Variants in RELN observed in about 807,000 individuals in gnomAD.
RELN encodes reelin.
RELN carries 108 observed loss-of-function variants against 427.6 expected under a neutral mutation model. That is an observed-to-expected ratio of 0.25 (90% CI 0.22 to 0.30). RELN has a LOEUF of 0.30. Ranked by LOEUF, RELN falls within the 10% of genes least tolerant of loss-of-function variation. The pLI is 1.00. For synonymous variants in RELN, 1,524 were observed against 1,513.4 expected, an observed-to-expected ratio of 1.01 and a Z score of -0.16; for missense variants, 3,715 against 4,302.8, an observed-to-expected ratio of 0.86 and a Z score of 3.82.
At chr7:103,758,329 A>G (rs1791214769) in intron 4 of RELN, among the ~76,000 whole-genome samples, 1 of 152,156 alleles carries the variant, frequency 6.6e-6, no homozygotes, top group South Asian at 2.1e-4. Flanking sequence ...CTTAATTAAG[A>G]CCACAGATAA....
At chr7:103,623,314 T>C (rs1832260079) in intron 20 of RELN, among the ~76,000 whole-genome samples, 3 of 152,312 alleles carry the variant, frequency 2.0e-5, no homozygotes, top group Admixed American at 6.5e-5. Flanking sequence ...TTTTTAAGAG[T>C]CTTTGTAAGA....
chr7:103,755,631 AT>A (rs1791124463), intron 4 of RELN, among the ~76,000 whole-genome samples: 1 of 141,468 alleles, frequency 7.1e-6, no homozygotes, highest in South Asian at 2.2e-4. Flanking sequence ...AAAAAATAAA[AT>A]AAATAAAATA....
At chr7:103,906,930 T>C (rs1355907067) in intron 2 of RELN, among the ~76,000 whole-genome samples, 1 of 152,170 alleles carries the variant, frequency 6.6e-6, no homozygotes, top group Non-Finnish European at 1.5e-5. Flanking sequence ...GGTGGTCTTA[T>C]TTCTTTGTGT....
intron 2 of RELN, among the ~76,000 whole-genome samples, chr7:103,908,711 A>G (rs909681987): frequency 2.6e-5 from 4 of 152,216 alleles, no homozygotes; most frequent in African/African-American, 9.6e-5. Context: ...ATATCCCTGA[A>G]TTATTTATCA....
At chr7:103,938,564 TA>T (rs1194895545) in intron 1 of RELN, among the ~76,000 whole-genome samples, 2 of 152,356 alleles carry the variant, frequency 1.3e-5, no homozygotes, top group East Asian at 3.9e-4. Flanking sequence ...AAATGGGAAA[TA>T]TTATAAATAG....
At position 103,989,235 on chromosome 7, in the gene RELN, G is replaced by A; in HGVS notation, c.122C>T (p.Thr41Ile). 2 of 1,614,052 alleles carry A rather than the reference G, an allele frequency of 1.2e-6. No homozygotes were observed. The highest frequency in any genetic ancestry group is 1.7e-6 in the Non-Finnish European group (2 of 1,179,988). The change falls in exon 1 of 65, where the codon ACC (threonine) becomes ATC (isoleucine). Residue 41 changes from threonine (T) to isoleucine (I), a missense_variant. Physicochemically the swap from Thr to Ile is moderately conservative, Grantham distance 89. Coordinates refer to ENST00000428762, the MANE Select transcript of RELN (RefSeq NM_005045.4). This position sits in a 1 kb window ranked among gnomAD's most constrained non-coding sequence, Gnocchi z 4.9. ...ATCCCCTTCCAGCTCCCCGTGGTGG[G>A]TGCACAGGAAAAAGAAGGGCGAAAA... ...PRFSPFFFLC[T>I]HHGELEGDGE...
intron 2 of RELN, among the ~76,000 whole-genome samples, chr7:103,863,054 C>T (rs1794108255): frequency 6.6e-6 from 1 of 151,978 alleles, no homozygotes; most frequent in African/African-American, 2.4e-5. Flanking sequence ...GGAAGAAAAG[C>T]TTTAAGAACT....
chr7:103,542,327 A>G (rs1435545136), intron 43 of RELN, among the ~76,000 whole-genome samples: 2 of 152,232 alleles, frequency 1.3e-5, no homozygotes, highest in Non-Finnish European at 2.9e-5. Context: ...ATTTCAACTA[A>G]GCTTTCTACT....
intron 28 of RELN, among the ~76,000 whole-genome samples, chr7:103,578,974 T>C (rs1281985179): frequency 1.3e-5 from 2 of 152,246 alleles, no homozygotes; most frequent in Non-Finnish European, 2.9e-5. Context: ...TAACACCTAC[T>C]GCTGGTCTTT....
At chr7:103,890,197 ACTT>A (rs950136489) in intron 2 of RELN, among the ~76,000 whole-genome samples, 11 of 56,586 alleles carry the variant, frequency 1.9e-4, no homozygotes, top group African/African-American at 6.3e-4. Context: ...GGCACTCTGA[ACTT>A]TTTTTTTTTT....
At chr7:103,790,975 A>G (rs1189810243) in intron 3 of RELN, among the ~76,000 whole-genome samples, 1 of 152,126 alleles carries the variant, frequency 6.6e-6, no homozygotes, top group Non-Finnish European at 1.5e-5. Context: ...ACAAACAAAC[A>G]AACAAAAAAC....
At position 103,491,689 on chromosome 7, in the gene RELN, C is replaced by T. The variant is rs78785667; in HGVS notation, c.9443+264G>A. 0.053 allele frequency among the ~76,000 whole-genome samples: 8,007 copies of T among 151,856 alleles called. 256 individuals are homozygous for T. Among genetic ancestry groups the T allele is most frequent in the South Asian group, 0.11 (509 of 4,800 alleles). On this transcript the variant is annotated intron_variant, in intron 58 of 64. Transcript: ENST00000428762. Reference sequence around the variant, plus strand: ...TACTAAAAATACAAAATAAGCTGGGCGTGGTGACACATGCCTGTAATCCCA... The same window carrying T: ...TACTAAAAATACAAAATAAGCTGGGTGTGGTGACACATGCCTGTAATCCCA...
intron 1 of RELN, among the ~76,000 whole-genome samples, chr7:103,946,791 G>C (rs919588208): frequency 2.0e-5 from 3 of 152,150 alleles, no homozygotes; most frequent in African/African-American, 7.2e-5. Context: ...TGACACATTT[G>C]TCTCAGATGC....
At chr7:103,667,518 T>C (rs920406216) in intron 11 of RELN, among the ~76,000 whole-genome samples, 10 of 152,210 alleles carry the variant, frequency 6.6e-5, no homozygotes, top group Non-Finnish European at 4.4e-5. Flanking sequence ...GGCATGAAGA[T>C]ATGTTTCTTT....
At chr7:103,650,217 A>C (rs1832884783) in intron 16 of RELN, 57 bp downstream of exon 16, 2 of 1,050,416 alleles carry the variant, frequency 1.9e-6, no homozygotes, top group African/African-American at 3.1e-5. Context: ...TGACGAACAA[A>C]AGCACAGGAA....
At chr7:103,514,981 C>T (rs1016524093) in intron 50 of RELN, among the ~76,000 whole-genome samples, 2 of 152,098 alleles carry the variant, frequency 1.3e-5, no homozygotes, top group Non-Finnish European at 2.9e-5. Flanking sequence ...TATAAAAACA[C>T]ACTAGCTGGC....
chr7:103,558,181 G>C (rs1053979991), intron 36 of RELN, 132 bp from the exon 37 acceptor site: 1 of 631,688 alleles, frequency 1.6e-6, no homozygotes, highest in Admixed American at 2.5e-5. Flanking sequence ...ATTTTGCCTA[G>C]TTTAAAAGGA....
intron 2 of RELN, among the ~76,000 whole-genome samples, chr7:103,895,041 T>C (rs1430713987): frequency 6.6e-6 from 1 of 152,120 alleles, no homozygotes; most frequent in Non-Finnish European, 1.5e-5. Flanking sequence ...TTGACTAAAA[T>C]CAACTTGGCA....
At chr7:103,722,868 T>G (rs1313193774) in intron 8 of RELN, among the ~76,000 whole-genome samples, 1 of 152,204 alleles carries the variant, frequency 6.6e-6, no homozygotes, top group Non-Finnish European at 1.5e-5. Context: ...AATAAGCCAA[T>G]GTATGCAAAA....
Sources: gnomAD v4.1 joint callset for allele counts (sites outside exome capture counted in the v4.1 genomes callset) on GRCh38, gnomAD v4.1.1 for gene constraint, Gnocchi (gnomAD v3.1) non-coding constraint, MANE v1.5 for transcripts, NCBI Gene and HGNC (gene_info 2026-07-23, HGNC 2026-07-21) for gene names.